The following SETBP1 variants were observed in gnomAD, a reference collection of about 807,000 sequenced individuals.
The protein encoded by SETBP1 is SET binding protein 1, also known as SET-binding protein.
In SETBP1, 9 loss-of-function variants were observed where a neutral mutation model predicts 101.0. The ratio of observed to expected loss-of-function variants is 0.09; its 90% CI spans 0.05 to 0.16. SETBP1 has a LOEUF of 0.16. Ranked by LOEUF, SETBP1 falls within the 10% of genes least tolerant of loss-of-function variation. The pLI is 1.00. For missense variants in SETBP1, 1,858 were observed against 2,033.8 expected, an observed-to-expected ratio of 0.91 and a Z score of 1.66; for synonymous variants, 818 against 788.5, an observed-to-expected ratio of 1.04 and a Z score of -0.63.
intron 5 of SETBP1, 129 bp downstream of exon 5, chr18:45,038,784 G>A: frequency 1.1e-6 from 1 of 945,578 alleles, no homozygotes; most frequent in East Asian, 2.6e-5. Flanking sequence ...CTCTGAACAT[G>A]GGAGCCGTTT....
chr18:44,999,869 T>TTA (rs2072581146), intron 4 of SETBP1, among the ~76,000 whole-genome samples: 1 of 152,218 alleles, frequency 6.6e-6, no homozygotes, highest in Admixed American at 6.5e-5. Context: ...CACCAGTAGT[T>TTA]TACAGTCTAA....
chr18:45,031,986 G>A (rs991761262), intron 4 of SETBP1, among the ~76,000 whole-genome samples: 2 of 152,124 alleles, frequency 1.3e-5, no homozygotes, highest in Non-Finnish European at 1.5e-5. Flanking sequence ...ACAAAGAAAT[G>A]TAATTTCTGC....
At chr18:44,843,495 C>T (rs2072663828) in intron 2 of SETBP1, among the ~76,000 whole-genome samples, 1 of 152,204 alleles carries the variant, frequency 6.6e-6, no homozygotes, top group South Asian at 2.1e-4. Context: ...GACCGAGTCT[C>T]CTCAGTTGCT....
intron 2 of SETBP1, among the ~76,000 whole-genome samples, chr18:44,775,527 C>G (rs2070980528): frequency 6.6e-6 from 1 of 152,084 alleles, no homozygotes; most frequent in South Asian, 2.1e-4. Flanking sequence ...ATCACTTCCT[C>G]CATAGTGTTG....
intron 2 of SETBP1, among the ~76,000 whole-genome samples, chr18:44,793,506 C>T (rs918915840): frequency 3.9e-5 from 6 of 152,172 alleles, no homozygotes; most frequent in African/African-American, 1.4e-4. Context: ...GTTAGAAACG[C>T]CTATACTTGG....
intron 2 of SETBP1, among the ~76,000 whole-genome samples, chr18:44,800,683 T>TG (rs1195762989): frequency 6.6e-6 from 1 of 152,078 alleles, no homozygotes; most frequent in Non-Finnish European, 1.5e-5. Context: ...TTTGAGGAAC[T>TG]GGAAGATCCA....
At chr18:45,061,309 T>G (rs1466714399) in intron 5 of SETBP1, among the ~76,000 whole-genome samples, 1 of 152,224 alleles carries the variant, frequency 6.6e-6, no homozygotes, top group Non-Finnish European at 1.5e-5. Flanking sequence ...TAAATCTCTT[T>G]TATATACAAG....
intron 5 of SETBP1, among the ~76,000 whole-genome samples, chr18:45,048,807 C>T (rs2073664716): frequency 1.3e-5 from 2 of 149,712 alleles, no homozygotes; most frequent in South Asian, 4.2e-4. Flanking sequence ...CCCGTCTCTA[C>T]TAAAAATACA....
intron 2 of SETBP1, among the ~76,000 whole-genome samples, chr18:44,790,997 A>G (rs138688027): frequency 6.6e-6 from 1 of 152,308 alleles, no homozygotes; most frequent in African/African-American, 2.4e-5. Flanking sequence ...TCCCAATACT[A>G]TTGTAGACCC....
chr18:45,061,596 C>T (rs2073891650), intron 5 of SETBP1, among the ~76,000 whole-genome samples: 1 of 152,174 alleles, frequency 6.6e-6, no homozygotes, highest in South Asian at 2.1e-4. Context: ...CTTTCCACTC[C>T]ATGAAGCTGG....
intron 2 of SETBP1, among the ~76,000 whole-genome samples, chr18:44,770,346 G>A (rs537777683): frequency 6.6e-6 from 1 of 152,336 alleles, no homozygotes; most frequent in Non-Finnish European, 1.5e-5. Flanking sequence ...CTGATCCTGG[G>A]TGAGATGGTG....
Position 44,701,305 on chromosome 18 carries a change from C to T in SETBP1, c.-42C>T. ...CTCACCTTTCCCTTTTCCCTTTTCC[C>T]CTTCCCCCTCCTGAGAACTCCGGAA... is the stretch of plus-strand genomic sequence containing the variant. On this transcript the variant is annotated 5_prime_UTR_variant, in exon 2 of 6. Transcript: ENST00000649279. 6.9e-7 allele frequency: 1 copy of T among 1,452,454 alleles called. No individual in the cohort carries two copies. The highest frequency in any genetic ancestry group is 9.1e-7 in the Non-Finnish European group (1 of 1,100,130). The allele number at this position is 1,452,454 out of a possible 1,614,324, so 90.0% of individuals were successfully genotyped here. A position where few individuals can be genotyped will look rare whatever the true frequency, so the allele number is the denominator to read the frequency against.
chr18:44,852,643 C>T (rs1313602748), intron 2 of SETBP1, among the ~76,000 whole-genome samples: 1 of 152,188 alleles, frequency 6.6e-6, no homozygotes, highest in Non-Finnish European at 1.5e-5. Context: ...ATCCTGTGAG[C>T]TAGCCAGGAT....
intron 2 of SETBP1, among the ~76,000 whole-genome samples, chr18:44,846,386 C>T (rs1163966008): frequency 6.6e-6 from 1 of 151,886 alleles, no homozygotes; most frequent in Non-Finnish European, 1.5e-5. Context: ...AACTTTCAAC[C>T]CCCCAAAAGA....
At position 45,003,356 on chromosome 18, in the gene SETBP1, G is replaced by A. The variant is rs150488318; in HGVS notation, c.4001-35129G>A. ...GTGACATTTAAACAATGGCAATATC[G>A]TTGCAATAAGTAGTTTGCTTTTCAT... is the stretch of plus-strand genomic sequence containing the variant. On this transcript the variant is annotated intron_variant, in intron 4 of 5. Transcript: ENST00000649279. Among the ~76,000 whole-genome samples, 257 of 152,218 alleles carry A rather than the reference G, an allele frequency of 1.7e-3. 1 individual carries two copies. Among genetic ancestry groups the A allele is most frequent in the Non-Finnish European group, 3.1e-3 (208 of 68,012 alleles).
chr18:44,949,561 G>C (rs752006472), intron 3 of SETBP1, among the ~76,000 whole-genome samples: 32 of 152,298 alleles, frequency 2.1e-4, no homozygotes, highest in Non-Finnish European at 4.0e-4. Context: ...ACTGGGCTAA[G>C]TGACCTTTGT....
chr18:45,027,139 G>A (rs11872951), intron 4 of SETBP1, among the ~76,000 whole-genome samples: 86,615 of 151,988 alleles, frequency 0.57, 24,879 homozygotes, highest in East Asian at 0.65. Flanking sequence ...AGTGACTTCT[G>A]CATTATTATA....
chr18:44,695,583 A>G (rs898237538), intron 1 of SETBP1, among the ~76,000 whole-genome samples: 2 of 152,226 alleles, frequency 1.3e-5, no homozygotes, highest in African/African-American at 4.8e-5. Flanking sequence ...TTACGTGTGA[A>G]GATGAAAGAA....
In SETBP1 at chr18:44,951,260, C is replaced by A; in HGVS notation, c.1920C>A (p.Asp640Glu). 6.2e-7 allele frequency: 1 copy of A among 1,613,926 alleles called. No individual in the cohort carries two copies. The highest frequency in any genetic ancestry group is 8.5e-7 in the Non-Finnish European group (1 of 1,180,040). ...TGGCCCAGCTAGTGCCGGGAGAGGA[C>A]AAACCCATGAGCGAGATGAAATTTC... is the stretch of plus-strand genomic sequence containing the variant. The part of the protein sequence containing the change: ...AKLAQLVPGE[D>E]KPMSEMKFHK... Residue 640 changes from aspartate to glutamate, a missense_variant, in exon 4 of 6, where the codon GAC becomes GAA. By Grantham distance (45) the Asp-to-Glu change is conservative. Coordinates refer to ENST00000649279, the MANE Select transcript of SETBP1 (RefSeq NM_015559.3). This position sits in a 1 kb window ranked among gnomAD's most constrained non-coding sequence, Gnocchi z 7.8.
Sources: allele counts gnomAD v4.1 joint callset (sites outside exome capture counted in the v4.1 genomes callset), GRCh38; gene constraint gnomAD v4.1.1; non-coding constraint Gnocchi (gnomAD v3.1); transcripts MANE v1.5; gene names NCBI Gene and HGNC (gene_info 2026-07-23, HGNC 2026-07-21).